Variants in AFG3L2 observed in about 807,000 individuals in gnomAD.
AFG3L2 encodes the protein AFG3 like matrix AAA peptidase subunit 2.
Under a neutral mutation model 94.5 loss-of-function variants are expected in AFG3L2, and 54 were observed. That is an observed-to-expected ratio of 0.57 (90% CI 0.46 to 0.72). The LOEUF is 0.72. AFG3L2 is among the 30% of genes least tolerant of loss of function. The pLI is 0.00. For missense variants in AFG3L2, 754 were observed against 994.9 expected, an observed-to-expected ratio of 0.76 and a Z score of 3.26; for synonymous variants, 377 against 365.5, an observed-to-expected ratio of 1.03 and a Z score of -0.36.
chr18:12,365,600 G>C (rs1334044780), intron 5 of AFG3L2, among the ~76,000 whole-genome samples: 2 of 152,138 alleles, frequency 1.3e-5, no homozygotes, highest in African/African-American at 4.8e-5. Flanking sequence ...CAACTTCCAG[G>C]GGAAACATAA....
At chr18:12,363,935 TATG>T (rs1908734037) in intron 5 of AFG3L2, 79 bp from the exon 6 acceptor site, 2 of 1,093,488 alleles carry the variant, frequency 1.8e-6, no homozygotes, top group Non-Finnish European at 2.8e-6. Flanking sequence ...TTAAAATGCA[TATG>T]ATGTTTCAGC....
At chr18:12,356,309 G>A (rs1257474055) in intron 9 of AFG3L2, among the ~76,000 whole-genome samples, 3 of 152,068 alleles carry the variant, frequency 2.0e-5, no homozygotes, top group African/African-American at 4.8e-5. Flanking sequence ...GCGCGACCAC[G>A]CCTGGCTAAT....
Position 12,329,747 on chromosome 18 carries a change from T to C in AFG3L2, c.2212A>G (p.Lys738Glu). 4 of 1,614,242 alleles carry C rather than the reference T, an allele frequency of 2.5e-6. No homozygotes were observed. The highest frequency in any genetic ancestry group is 3.4e-6 in the Non-Finnish European group (4 of 1,180,040). ...CCCAAAAGTTCAACCATATCATTCTTATCTAATACTTCTTTTTCTAACAAC... is the reference window on the plus strand; with the variant it reads ...CCCAAAAGTTCAACCATATCATTCTCATCTAATACTTCTTTTTCTAACAAC... ...LLLLEKEVLDKNDMVELLGPR... is the reference protein window; with the variant it reads ...LLLLEKEVLDENDMVELLGPR... Residue 738 changes from lysine (K) to glutamate (E), a missense_variant, in exon 17 of 17, where the codon AAG becomes GAG. Transcript: ENST00000269143.
At chr18:12,356,271 C>T (rs2143183907) in intron 9 of AFG3L2, among the ~76,000 whole-genome samples, 1 of 152,112 alleles carries the variant, frequency 6.6e-6, no homozygotes, top group South Asian at 2.1e-4. Flanking sequence ...CCTGCCTCAG[C>T]CTCCGAAATA....
At chr18:12,374,037 A>T (rs1485114029) in intron 1 of AFG3L2, among the ~76,000 whole-genome samples, 2 of 152,212 alleles carry the variant, frequency 1.3e-5, no homozygotes, top group Non-Finnish European at 2.9e-5. Flanking sequence ...AGTACAGAAC[A>T]GGGCACTGTA....
chr18:12,353,988 C>G (rs559467769), intron 9 of AFG3L2, among the ~76,000 whole-genome samples: 1 of 152,232 alleles, frequency 6.6e-6, no homozygotes, highest in Non-Finnish European at 1.5e-5. Context: ...GTCTGCCACC[C>G]ACCCCACCAC....
In AFG3L2 at chr18:12,329,497, G is replaced by C; in HGVS notation, c.*68C>G. 6.7e-7 allele frequency: 1 copy of C among 1,498,960 alleles called. No homozygotes were observed. Among genetic ancestry groups the C allele is most frequent in the Non-Finnish European group, 9.3e-7 (1 of 1,076,836 alleles). The allele number at this position is 1,498,960 out of a possible 1,614,324, so 92.9% of individuals were successfully genotyped here. A position where few individuals can be genotyped will look rare whatever the true frequency, so the allele number is the denominator to read the frequency against. ...GCGCAGCATTCCCATTCTTCTGAAA[G>C]CCACAGCTGAAATAATGCACCAGCT... On this transcript the variant is annotated 3_prime_UTR_variant, in exon 17 of 17. Coordinates refer to ENST00000269143, the MANE Select transcript of AFG3L2 (RefSeq NM_006796.3).
chr18:12,333,015 ATAT>A (rs1317733219), intron 16 of AFG3L2, among the ~76,000 whole-genome samples: 7 of 79,756 alleles, frequency 8.8e-5, no homozygotes, highest in African/African-American at 2.1e-4. Context: ...AATATAAAAT[ATAT>A]TAATAATATA....
chr18:12,362,080 C>A (rs1272253629), intron 6 of AFG3L2, among the ~76,000 whole-genome samples: 10 of 152,246 alleles, frequency 6.6e-5, no homozygotes, highest in African/African-American at 2.2e-4. Flanking sequence ...TCCCAGGACT[C>A]AAGTTTTAAT....
intron 3 of AFG3L2, among the ~76,000 whole-genome samples, chr18:12,370,463 C>CT (rs71369930): frequency 0.024 from 2,914 of 120,254 alleles, 75 homozygotes; most frequent in African/African-American, 0.054. Context: ...CTATAACTTT[C>CT]TTTTTTTTTT....
intron 14 of AFG3L2, chr18:12,342,185 A>G (rs982661934): frequency 6.6e-6 from 1 of 152,174 alleles, no homozygotes; most frequent in African/African-American, 2.4e-5. Flanking sequence ...ATTCCTATCA[A>G]TAACGTGTGA....
intron 16 of AFG3L2, among the ~76,000 whole-genome samples, chr18:12,330,040 TGAG>T (rs1219748296): frequency 6.6e-6 from 1 of 152,224 alleles, no homozygotes; most frequent in Non-Finnish European, 1.5e-5. Context: ...CCATCTATAA[TGAG>T]GAGGAAGCTG....
At chr18:12,376,127 T>C (rs1909147751) in intron 1 of AFG3L2, among the ~76,000 whole-genome samples, 1 of 152,196 alleles carries the variant, frequency 6.6e-6, no homozygotes, top group Non-Finnish European at 1.5e-5. Flanking sequence ...GGCACTAGCC[T>C]ATCTCCCCTT....
At chr18:12,365,247 G>A (rs1908770475) in intron 5 of AFG3L2, among the ~76,000 whole-genome samples, 1 of 152,114 alleles carries the variant, frequency 6.6e-6, no homozygotes, top group Non-Finnish European at 1.5e-5. Flanking sequence ...GCAGACTAAT[G>A]CCAAAGAGCC....
At chr18:12,345,080 C>G (rs1908090521) in intron 13 of AFG3L2, among the ~76,000 whole-genome samples, 1 of 152,212 alleles carries the variant, frequency 6.6e-6, no homozygotes, top group African/African-American at 2.4e-5. Flanking sequence ...GCAGCCAGTT[C>G]AACACCCGGA....
At chr18:12,354,134 C>CT (rs1394856520) in intron 9 of AFG3L2, among the ~76,000 whole-genome samples, 1,554 of 95,800 alleles carry the variant, frequency 0.016, 40 homozygotes, top group African/African-American at 0.066. Context: ...CCACTCCCAC[C>CT]CCCCCCCCCC....
intron 7 of AFG3L2, among the ~76,000 whole-genome samples, chr18:12,359,706 C>T (rs1028876989): frequency 2.9e-4 from 44 of 151,872 alleles, no homozygotes; most frequent in African/African-American, 9.9e-4. Flanking sequence ...CATACGACTG[C>T]ACTACAGCCT....
intron 13 of AFG3L2, among the ~76,000 whole-genome samples, chr18:12,346,312 G>A (rs945472008): frequency 3.9e-5 from 6 of 151,978 alleles, no homozygotes; most frequent in Admixed American, 2.0e-4. Flanking sequence ...GTCCCCAACC[G>A]CCCATCTCAC....
intron 5 of AFG3L2, 123 bp downstream of exon 5, chr18:12,366,842 G>A (rs1908821905): frequency 1.5e-6 from 2 of 1,355,462 alleles, no homozygotes; most frequent in African/African-American, 1.4e-5. Context: ...AGAAAAATCT[G>A]AGTGAAAATA....
Sources: gnomAD v4.1 joint callset for allele counts (sites outside exome capture counted in the v4.1 genomes callset) on GRCh38, gnomAD v4.1.1 for gene constraint, MANE v1.5 for transcripts, NCBI Gene and HGNC (gene_info 2026-07-23, HGNC 2026-07-21) for gene names.